ZSWIM5: variants seen among roughly 807,000 people sequenced by gnomAD.
ZSWIM5 encodes the protein zinc finger SWIM-type containing 5.
A neutral mutation model predicts 119.6 loss-of-function variants in ZSWIM5; 55 were observed. The ratio of observed to expected loss-of-function variants is 0.46; its 90% CI spans 0.37 to 0.58. ZSWIM5 has a LOEUF of 0.58. ZSWIM5 is among the 20% of genes least tolerant of loss of function. The pLI is 0.00. For missense variants in ZSWIM5, 1,193 were observed against 1,512.8 expected, an observed-to-expected ratio of 0.79 and a Z score of 3.51; for synonymous variants, 537 against 606.9, an observed-to-expected ratio of 0.88 and a Z score of 1.69.
intron 1 of ZSWIM5, among the ~76,000 whole-genome samples, chr1:45,192,976 C>G (rs1646101031): frequency 6.6e-6 from 1 of 152,072 alleles, no homozygotes; most frequent in Non-Finnish European, 1.5e-5. Context: ...TATTCAAGTC[C>G]TTTCCCATTT....
At chr1:45,143,168 T>A in intron 1 of ZSWIM5, among the ~76,000 whole-genome samples, 1 of 120,498 alleles carries the variant, frequency 8.3e-6, no homozygotes, top group African/African-American at 3.2e-5. Flanking sequence ...TGAGACTCTG[T>A]CTCAAAAAAA....
In ZSWIM5 at chr1:45,072,917, C is replaced by G. The variant is rs1570059660; in HGVS notation, c.953-12670G>C. Among the ~76,000 whole-genome samples, 1 of 151,848 alleles carries G rather than the reference C, an allele frequency of 6.6e-6. No homozygotes were observed. Among genetic ancestry groups the G allele is most frequent in the African/African-American group, 2.4e-5 (1 of 41,212 alleles). On this transcript the variant is annotated intron_variant, in intron 2 of 13. Transcript: ENST00000359600. This position sits in a 1 kb window ranked among gnomAD's most constrained non-coding sequence, Gnocchi z 4.1. ...TTATTCCAGGTCTTTTGTGGTTTCA[C>G]ATAGCAAAAAACAATTTTAGAATTG...
intron 11 of ZSWIM5, among the ~76,000 whole-genome samples, chr1:45,025,344 T>A (rs1644915001): frequency 6.6e-6 from 1 of 152,206 alleles, no homozygotes; most frequent in Non-Finnish European, 1.5e-5. Context: ...GGTTTGTTGA[T>A]ATGCACAAAA....
Position 45,083,626 on chromosome 1 carries a change from A to T in ZSWIM5, c.952+4255T>A, listed in dbSNP as rs534698336. ...AACTGGGAAAGACAGGTCCTTTGGC[A>T]TGTAGACTACTCTATTATACAGGCC... On this transcript the variant is annotated intron_variant, in intron 2 of 13. Coordinates refer to ENST00000359600, the MANE Select transcript of ZSWIM5 (RefSeq NM_020883.2). 2.0e-5 allele frequency among the ~76,000 whole-genome samples: 3 copies of T among 152,300 alleles called. No individual in the cohort carries two copies. In the East Asian group the frequency reaches 5.8e-4, roughly 29 times the overall value.
chr1:45,171,478 C>G (rs923907677), intron 1 of ZSWIM5, among the ~76,000 whole-genome samples: 1 of 152,046 alleles, frequency 6.6e-6, no homozygotes, highest in Admixed American at 6.6e-5. Flanking sequence ...GACATTGTCT[C>G]TGAAACGAAA....
chr1:45,035,791 G>A lies in ZSWIM5; in HGVS notation c.2188C>T (p.His730Tyr), dbSNP rs1644979717. The A allele has an allele frequency of 6.2e-7, 1 of 1,613,600 alleles. No individual in the cohort carries two copies. The highest frequency in any genetic ancestry group is 8.5e-7 in the Non-Finnish European group (1 of 1,180,018). ...GTATGCATGGGAACACTCTCTCGGT[G>A]GATGACTTCTCCCAGACCGCTGAAA... ...GPFSGLGEVI[H>Y]RESVPMHTFA... The change falls in exon 10 of 14, where the codon CAC becomes TAC. Residue 730 changes from histidine to tyrosine, a missense_variant. This residue lies in a region of ZSWIM5 where 961 missense variants were observed against 1,290.0 expected (regional missense o/e 0.74). Coordinates refer to ENST00000359600, the MANE Select transcript of ZSWIM5 (RefSeq NM_020883.2).
At chr1:45,174,323 C>A (rs543478829) in intron 1 of ZSWIM5, among the ~76,000 whole-genome samples, 1 of 151,984 alleles carries the variant, frequency 6.6e-6, no homozygotes, top group African/African-American at 2.4e-5. Context: ...CAAAAGTGAT[C>A]TTTTAATAAA....
At chr1:45,111,327 C>G (rs1425380780) in intron 1 of ZSWIM5, among the ~76,000 whole-genome samples, 3 of 152,058 alleles carry the variant, frequency 2.0e-5, no homozygotes, top group Non-Finnish European at 4.4e-5. Flanking sequence ...GAAAGTTTCT[C>G]CAGAAGTGGG....
chr1:45,181,769 C>T lies in ZSWIM5; in HGVS notation c.595+23987G>A, dbSNP rs190837623. ...TCTACAAGCCAGAAGAGAGTGGGGGCCAATATTCAACATTCTTAAAGAAAA... is the reference window on the plus strand; with the variant it reads ...TCTACAAGCCAGAAGAGAGTGGGGGTCAATATTCAACATTCTTAAAGAAAA... On this transcript the variant is annotated intron_variant, in intron 1 of 13. Coordinates refer to ENST00000359600, the MANE Select transcript of ZSWIM5 (RefSeq NM_020883.2). 1.8e-3 allele frequency among the ~76,000 whole-genome samples: 269 copies of T among 152,104 alleles called. 3 individuals are homozygous for T. Among genetic ancestry groups the T allele is most frequent in the African/African-American group, 6.2e-3 (257 of 41,504 alleles).
At chr1:45,139,352 CTTTCT>C (rs1401655646) in intron 1 of ZSWIM5, among the ~76,000 whole-genome samples, 2 of 151,522 alleles carry the variant, frequency 1.3e-5, no homozygotes, top group South Asian at 4.2e-4. Flanking sequence ...GCTAATTTCT[CTTTCT>C]TTTCTTTTCT....
chr1:45,178,114 G>A (rs984824074), intron 1 of ZSWIM5, among the ~76,000 whole-genome samples: 1 of 152,010 alleles, frequency 6.6e-6, no homozygotes, highest in Admixed American at 6.6e-5. Context: ...GATAGCAAGG[G>A]ACAACTGTAT....
rs1557746466 is a variant in ZSWIM5 at position 45,044,772 on chromosome 1, TATAA to T, written c.1433-1381_1433-1378del. On this transcript the variant is annotated intron_variant, in intron 5 of 13. Coordinates refer to ENST00000359600, the MANE Select transcript of ZSWIM5 (RefSeq NM_020883.2). ...ATATATATATATATATATATATATATATAAATATATATATATAAATATATATATA... is the reference window on the plus strand; with the variant it reads ...ATATATATATATATATATATATATATATATATATATATAAATATATATATA... 2.6e-3 allele frequency among the ~76,000 whole-genome samples: 6 copies of T among 2,280 alleles called. 1 individual carries two copies. The highest frequency in any genetic ancestry group is 0.022 in the East Asian group (1 of 46). 1.5% of individuals were successfully genotyped at this position (2,280 alleles called of 152,430 possible). A position where few individuals can be genotyped will look rare whatever the true frequency, so the allele number is the denominator to read the frequency against.
intron 1 of ZSWIM5, among the ~76,000 whole-genome samples, chr1:45,090,782 C>T (rs932139509): frequency 2.0e-5 from 3 of 151,926 alleles, no homozygotes; most frequent in African/African-American, 4.8e-5. Context: ...TATGATGGTG[C>T]CACTGCACTC....
intron 8 of ZSWIM5, among the ~76,000 whole-genome samples, chr1:45,037,040 A>AT (rs916009458): frequency 1.3e-5 from 2 of 148,526 alleles, no homozygotes; most frequent in African/African-American, 2.5e-5. Flanking sequence ...GGCTCAAGTG[A>AT]TTTTCCCACC....
intron 1 of ZSWIM5, among the ~76,000 whole-genome samples, chr1:45,183,914 CCTGATACCAA>C (rs1646039724): frequency 6.6e-6 from 1 of 152,176 alleles, no homozygotes; most frequent in Non-Finnish European, 1.5e-5. Context: ...CCAGCATCAT[CCTGATACCAA>C]AGCCGGGCAG....
At chr1:45,106,249 T>G (rs1645476606) in intron 1 of ZSWIM5, among the ~76,000 whole-genome samples, 1 of 119,828 alleles carries the variant, frequency 8.3e-6, no homozygotes, top group Non-Finnish European at 1.7e-5. Flanking sequence ...GTCTGGGAGG[T>G]GAGGAGCACC....
intron 7 of ZSWIM5, among the ~76,000 whole-genome samples, chr1:45,039,702 TTTAA>T (rs1413739281): frequency 6.6e-6 from 1 of 151,102 alleles, no homozygotes; most frequent in Non-Finnish European, 1.5e-5. Flanking sequence ...TTTAATTTAA[TTTAA>T]TTAATTATTT....
chr1:45,167,544 G>A (rs1191940321), intron 1 of ZSWIM5, among the ~76,000 whole-genome samples: 2 of 151,988 alleles, frequency 1.3e-5, no homozygotes, highest in South Asian at 4.1e-4. Context: ...GCAACCTACA[G>A]AATGAGAGAA....
intron 1 of ZSWIM5, among the ~76,000 whole-genome samples, chr1:45,184,000 T>C (rs971126515): frequency 1.3e-5 from 2 of 151,978 alleles, no homozygotes; most frequent in Non-Finnish European, 2.9e-5. Context: ...AAATCCTCAA[T>C]AAAATACTGG....
Sources: allele counts gnomAD v4.1 joint callset (sites outside exome capture counted in the v4.1 genomes callset), GRCh38; gene constraint gnomAD v4.1.1; regional missense constraint gnomAD v4.1.1; non-coding constraint Gnocchi (gnomAD v3.1); transcripts MANE v1.5; gene names NCBI Gene and HGNC (gene_info 2026-07-23, HGNC 2026-07-21).